Variants in SLC49A3 observed in about 807,000 individuals in gnomAD.
SLC49A3 encodes solute carrier family 49 member A3.
A neutral mutation model predicts 43.8 loss-of-function variants in SLC49A3; 50 were observed. The observed-to-expected ratio is 1.14, with a 90% CI of 0.91 to 1.45. The LOEUF is 1.45. Ranked by LOEUF, SLC49A3 falls within the 40% of genes most tolerant of loss-of-function variation. The pLI, the probability that SLC49A3 is intolerant of heterozygous loss-of-function variation, is 0.00. For missense variants in SLC49A3, 906 were observed against 774.1 expected, an observed-to-expected ratio of 1.17 and a Z score of -2.02; for synonymous variants, 413 against 352.0, an observed-to-expected ratio of 1.17 and a Z score of -1.94.
intron 1 of SLC49A3, 120 bp from the exon 2 acceptor site, chr4:686,810 G>C (rs76995815): frequency 3.1e-6 from 4 of 1,297,296 alleles, no homozygotes; most frequent in Admixed American, 2.4e-5. Context: ...GGGACACAGC[G>C]AGCTGGACAC....
rs766985214 is a variant in SLC49A3, at chr4:683,202, ACACT to A, written c.1151+4_1151+7del. On this transcript the variant is annotated splice_donor_5th_base_variant and intron_variant, in intron 8 of 9. Coordinates refer to ENST00000322224, the MANE Select transcript of SLC49A3 (RefSeq NM_032219.4). ...CTGGGGTTGCAGCAGGGGCAGATGG[ACACT>A]CACCCCAGCACAAAGATCATGCCTG... The A allele has an allele frequency of 3.7e-6, 6 of 1,612,538 alleles. No homozygotes were observed. In the Middle Eastern group the frequency reaches 6.6e-4, roughly 177 times the overall value.
rs371406622 is a variant in SLC49A3 at position 684,601 on chromosome 4, T to C, written c.724-2A>G. On this transcript the variant is annotated splice_acceptor_variant, in intron 5 of 9. Transcript: ENST00000322224. LOFTEE classifies it high-confidence loss of function. The stretch of plus-strand genomic sequence containing the variant: ...GACATAGGCCTTGTTCCACATGAGC[T>C]GCTGGGAAAGAGCGTCTCAGCCCCG... 23 of 1,612,620 alleles carry C rather than the reference T, an allele frequency of 1.4e-5. No individual in the cohort carries two copies. The African/African-American group carries it at 3.1e-4, about 22-fold the overall frequency.
downstream of SLC49A3, chr4:680,468 G>A (rs1363399811): frequency 6.2e-7 from 1 of 1,604,824 alleles, no homozygotes. Flanking sequence ...CCACGGGACT[G>A]CCACCCTGAC....
At chr4:681,038 G>A, downstream of SLC49A3, 4 of 1,556,910 alleles carry the variant, frequency 2.6e-6, no homozygotes, top group Non-Finnish European at 3.5e-6. Flanking sequence ...GCCCCACCGA[G>A]AAGGCTCCTG....
rs1355913489 is a variant in SLC49A3, at chr4:684,564, C to T, written c.759G>A (p.Val253=). ...MWNKAYVILA[V]CLGGMIGISA... is the part of the protein sequence containing the mutation. ...AGATCCCGATCATTCCCCCCAAGCA[C>T]ACAGCCAGGATGACATAGGCCTTGT... is the stretch of plus-strand genomic sequence containing the variant. Residue 253 remains valine, a synonymous_variant, in exon 6 of 10, where the codon GTG becomes GTA. Coordinates refer to ENST00000322224, the MANE Select transcript of SLC49A3 (RefSeq NM_032219.4). 3 of 1,613,218 alleles carry T rather than the reference C, an allele frequency of 1.9e-6. No homozygotes were observed. The highest frequency in any genetic ancestry group is 2.5e-6 in the Non-Finnish European group (3 of 1,179,952).
rs774794532 is a variant in SLC49A3, at chr4:685,917, T to G, written c.509-6A>C. ...AAGGACGCCCAGAGGGTTCGCTGGG[T>G]GGGCGGATGCACAAAGTGTCAGCTC... On this transcript the variant is annotated splice_polypyrimidine_tract_variant and splice_region_variant and intron_variant, in intron 3 of 9. Transcript: ENST00000322224. This position sits in a 1 kb window ranked among gnomAD's most constrained non-coding sequence, Gnocchi z 4.3. 4 of 1,613,796 alleles carry G rather than the reference T, an allele frequency of 2.5e-6. No homozygotes were observed. Among genetic ancestry groups the G allele is most frequent in the Non-Finnish European group, 2.5e-6 (3 of 1,179,978 alleles).
Position 685,576 on chromosome 4 carries a change from C to T in SLC49A3, c.585+259G>A, listed in dbSNP as rs149070790. Among the ~76,000 whole-genome samples the T allele has an allele frequency of 2.5e-3, 388 of 152,164 alleles. 1 individual carries two copies. Among genetic ancestry groups the T allele is most frequent in the Admixed American group, 4.5e-3 (69 of 15,284 alleles). On this transcript the variant is annotated intron_variant, in intron 4 of 9. Transcript: ENST00000322224. This position sits in a 1 kb window ranked among gnomAD's most constrained non-coding sequence, Gnocchi z 4.3. Reference sequence around the variant, plus strand: ...AAAAAATTAGCCAAGCATGGTGGCGCACGCCTGTAGTCCCAGCTACTCGGG... The same window carrying T: ...AAAAAATTAGCCAAGCATGGTGGCGTACGCCTGTAGTCCCAGCTACTCGGG...
downstream of SLC49A3, chr4:679,782 G>C (rs141232344): frequency 6.0e-4 from 414 of 691,974 alleles, 1 homozygote; most frequent in African/African-American, 6.6e-3. Flanking sequence ...CCACGTGCCT[G>C]GGCCAAGCGT....
downstream of SLC49A3, chr4:681,041 G>T (rs1001385348): frequency 6.4e-7 from 1 of 1,559,824 alleles, no homozygotes. Context: ...CCACCGAGAA[G>T]GCTCCTGCAC....
chr4:680,586 T>C, downstream of SLC49A3: 1 of 1,611,650 alleles, frequency 6.2e-7, no homozygotes, highest in Non-Finnish European at 8.5e-7. Context: ...CAACAAGGAG[T>C]AGTGAGTGCC....
intron 4 of SLC49A3, 70 bp from the exon 5 acceptor site, chr4:684,926 T>TC (rs1740690412): frequency 6.5e-7 from 1 of 1,527,702 alleles, no homozygotes; most frequent in South Asian, 1.2e-5. Context: ...GCCCTGCCTG[T>TC]CCCAGGCGCC....
downstream of SLC49A3, chr4:679,259 T>C: frequency 1.5e-6 from 1 of 648,842 alleles, no homozygotes; most frequent in South Asian, 1.6e-5. Flanking sequence ...AGCCCAAGCC[T>C]GGAAACTCAG....
At chr4:687,630 T>C (rs1040729130) in intron 1 of SLC49A3, among the ~76,000 whole-genome samples, 2 of 152,202 alleles carry the variant, frequency 1.3e-5, no homozygotes, top group Admixed American at 6.5e-5. Context: ...GCTGACTCAC[T>C]GAGAAGAGAT....
chr4:686,505 C>G, intron 2 of SLC49A3, 27 bp downstream of exon 2: 1 of 1,606,874 alleles, frequency 6.2e-7, no homozygotes, highest in African/African-American at 1.3e-5. Flanking sequence ...TGTCCCGGAG[C>G]GGGCCATGGT....
chr4:681,680 GCCC>G, downstream of SLC49A3: 1 of 15,666 alleles, frequency 6.4e-5, no homozygotes, highest in African/African-American at 2.9e-4. Context: ...CTCCAGCGCC[GCCC>G]CGCCCCCTCC....
At chr4:691,015 G>A (rs1291534436), upstream of SLC49A3, among the ~76,000 whole-genome samples, 1 of 152,206 alleles carries the variant, frequency 6.6e-6, no homozygotes, top group Admixed American at 6.5e-5. Flanking sequence ...GGCCGGGTGC[G>A]GTGGCTCACG....
chr4:683,764 G>T lies in SLC49A3; in HGVS notation c.841-3C>A. 6.4e-7 allele frequency: 1 copy of T among 1,557,310 alleles called. No individual in the cohort carries two copies. Among genetic ancestry groups the T allele is most frequent in the Non-Finnish European group, 8.7e-7 (1 of 1,150,490 alleles). On this transcript the variant is annotated splice_polypyrimidine_tract_variant and splice_region_variant and intron_variant, in intron 6 of 9. Transcript: ENST00000322224. ...GCGCCACAGAGGCCGGAAAACCCCT[G>T]GAGGAGGCGAGAAGAGGCCAGGGCC...
chr4:678,252 C>T (rs1036422664), downstream of SLC49A3: 26 of 1,472,932 alleles, frequency 1.8e-5, no homozygotes, highest in South Asian at 6.8e-5. Flanking sequence ...ACGTGCCTCA[C>T]GTTGCTCTCC....
At chr4:676,926 C>T (rs1738897504), downstream of SLC49A3, 1 of 985,408 alleles carries the variant, frequency 1.0e-6, no homozygotes, top group Admixed American at 6.1e-5. Context: ...GGGATGGCAC[C>T]AGGCAGCATC....
Sources: allele counts gnomAD v4.1 joint callset (sites outside exome capture counted in the v4.1 genomes callset), GRCh38; gene constraint gnomAD v4.1.1; non-coding constraint Gnocchi (gnomAD v3.1); transcripts MANE v1.5; gene names NCBI Gene and HGNC (gene_info 2026-07-23, HGNC 2026-07-21).